The following FYB1 variants were observed in gnomAD, a reference collection of about 807,000 sequenced individuals.
FYB1 encodes the protein FYN binding protein 1.
A neutral mutation model predicts 94.1 loss-of-function variants in FYB1; 41 were observed. That is an observed-to-expected ratio of 0.44 (90% CI 0.34 to 0.57). The LOEUF (loss-of-function observed/expected upper bound fraction) is 0.57. Among genes scored for constraint, FYB1 ranks in the 20% least tolerant of loss-of-function variants. FYB1 has a pLI of 0.02. For missense variants in FYB1, 1,050 were observed against 976.8 expected, an observed-to-expected ratio of 1.07 and a Z score of -1.00; for synonymous variants, 367 against 353.2, an observed-to-expected ratio of 1.04 and a Z score of -0.44.
At chr5:39,174,503 A>C (rs191418229) in intron 2 of FYB1, among the ~76,000 whole-genome samples, 2 of 152,350 alleles carry the variant, frequency 1.3e-5, no homozygotes, top group East Asian at 3.9e-4. Context: ...AACACATGGA[A>C]TAAGAATATC....
rs538508812 is a variant in FYB1, at chr5:39,148,381, GTTTTTTTTT to G, written c.1292+5058_1292+5066del. On this transcript the variant is annotated intron_variant, in intron 3 of 18. Transcript: ENST00000512982. ...GCATTTAGCTTTTAATTATCAGCAGGTTTTTTTTTTTTTTTTTTTTTTTTTTTTTTTTTT... is the reference window on the plus strand; with the variant it reads ...GCATTTAGCTTTTAATTATCAGCAGGTTTTTTTTTTTTTTTTTTTTTTTTT... Among the ~76,000 whole-genome samples the G allele has an allele frequency of 9.5e-3, 362 of 38,158 alleles. 13 individuals are homozygous for G. Among genetic ancestry groups the G allele is most frequent in the Admixed American group, 0.063 (179 of 2,846 alleles). The allele number at this position is 38,158 out of a possible 152,430, so 25.0% of individuals were successfully genotyped here.
intron 16 of FYB1, among the ~76,000 whole-genome samples, chr5:39,115,555 A>G (rs554925855): frequency 6.6e-6 from 1 of 152,148 alleles, no homozygotes. Context: ...TTTGGGTAAC[A>G]TTGTGGGGAA....
intron 2 of FYB1, among the ~76,000 whole-genome samples, chr5:39,186,631 T>C (rs892602719): frequency 8.8e-5 from 12 of 136,190 alleles, no homozygotes; most frequent in South Asian, 2.4e-4. Flanking sequence ...CCTGCAACAA[T>C]TGGATGCTTT....
At chr5:39,192,027 A>G (rs1747409666) in intron 2 of FYB1, among the ~76,000 whole-genome samples, 1 of 152,238 alleles carries the variant, frequency 6.6e-6, no homozygotes, top group African/African-American at 2.4e-5. Flanking sequence ...GAAGCCTTTA[A>G]TGGCAAAAGC....
intron 10 of FYB1, among the ~76,000 whole-genome samples, chr5:39,128,741 C>T (rs1203764671): frequency 6.6e-6 from 1 of 152,074 alleles, no homozygotes; most frequent in African/African-American, 2.4e-5. Flanking sequence ...AGTGTTCTTT[C>T]CATCGTATTA....
chr5:39,204,934 CT>C (rs1317261416), intron 1 of FYB1, among the ~76,000 whole-genome samples: 2 of 152,158 alleles, frequency 1.3e-5, no homozygotes, highest in Non-Finnish European at 2.9e-5. Context: ...TCTACCACCC[CT>C]GACTTCCTCA....
At chr5:39,141,238 T>G (rs1015583386) in intron 3 of FYB1, 97 bp from the exon 4 acceptor site, 1 of 853,988 alleles carries the variant, frequency 1.2e-6, no homozygotes, top group African/African-American at 1.7e-5. Flanking sequence ...TTGTTCTTTT[T>G]TCTTGAACCT....
rs56887056 is a variant in FYB1 at position 39,124,915 on chromosome 5, C to CCACACACACACA, written c.2046-649_2046-638dup. On this transcript the variant is annotated intron_variant, in intron 12 of 18. Transcript: ENST00000512982. ...CTGAAATATGACTTCTAAATACACTCCACACACACACACACACACACACAC... is the reference window on the plus strand; with the variant it reads ...CTGAAATATGACTTCTAAATACACTCCACACACACACACACACACACACACACACACACACAC... Among the ~76,000 whole-genome samples the CCACACACACACA allele has an allele frequency of 8.2e-3, 1,141 of 139,534 alleles. 21 individuals are homozygous for CCACACACACACA. The highest frequency in any genetic ancestry group is 0.026 in the African/African-American group (966 of 37,182). The allele number at this position is 139,534 out of a possible 152,430, so 91.5% of individuals were successfully genotyped here.
chr5:39,195,756 T>C (rs1747775208), intron 2 of FYB1, among the ~76,000 whole-genome samples: 3 of 152,168 alleles, frequency 2.0e-5, no homozygotes, highest in South Asian at 4.1e-4. Context: ...TGCAAACCAA[T>C]AGTCAGGCCA....
At chr5:39,108,946 A>T (rs1021585596) in intron 17 of FYB1, among the ~76,000 whole-genome samples, 1 of 152,102 alleles carries the variant, frequency 6.6e-6, no homozygotes, top group African/African-American at 2.4e-5. Flanking sequence ...GTACCAGGAG[A>T]CAAAAATTTG....
intron 3 of FYB1, among the ~76,000 whole-genome samples, chr5:39,143,601 A>G (rs1381714401): frequency 6.6e-6 from 1 of 152,144 alleles, no homozygotes; most frequent in East Asian, 1.9e-4. Context: ...TCCCATAGTC[A>G]AACTCCTTAA....
chr5:39,226,131 GA>G (rs1750462050), intron 1 of FYB1, among the ~76,000 whole-genome samples: 1 of 152,162 alleles, frequency 6.6e-6, no homozygotes, highest in Non-Finnish European at 1.5e-5. Flanking sequence ...GCGAGCTGAG[GA>G]TTGGCTTTAG....
At chr5:39,224,227 C>T (rs1035797460), upstream of FYB1, among the ~76,000 whole-genome samples, 4 of 152,170 alleles carry the variant, frequency 2.6e-5, no homozygotes, top group African/African-American at 4.8e-5. Context: ...AGATAAAAGC[C>T]TCCAGTGACT....
intron 14 of FYB1, among the ~76,000 whole-genome samples, chr5:39,120,223 A>G (rs1444807958): frequency 2.2e-5 from 3 of 138,782 alleles, no homozygotes; most frequent in South Asian, 2.2e-4. Context: ...CCCTTTATCA[A>G]TTGTGTGTGT....
chr5:39,257,822 T>G lies in FYB1; in HGVS notation c.-28+16581A>C, dbSNP rs567829692. On this transcript the variant is annotated intron_variant, in intron 1 of 1. Coordinates refer to the FYB1 transcript ENST00000510188. The stretch of plus-strand genomic sequence containing the variant: ...TTTGGAGACTAAAAAAAAAAAAAAG[T>G]ACCTGAGCCACCAGGCCAGCCAAAT... Among the ~76,000 whole-genome samples, 598 of 148,762 alleles carry G rather than the reference T, an allele frequency of 4.0e-3. 6 individuals are homozygous for G. The highest frequency in any genetic ancestry group is 0.014 in the African/African-American group (575 of 40,514).
chr5:39,172,712 T>G (rs549702067), intron 2 of FYB1, among the ~76,000 whole-genome samples: 7 of 152,096 alleles, frequency 4.6e-5, no homozygotes, highest in Non-Finnish European at 1.0e-4. Context: ...TGGTTTTCTG[T>G]TCATGTGTTA....
At chr5:39,129,929 A>AT (rs149124865) in intron 10 of FYB1, among the ~76,000 whole-genome samples, 1 of 152,286 alleles carries the variant, frequency 6.6e-6, no homozygotes, top group East Asian at 1.9e-4. Context: ...AGGAAAGAGA[A>AT]TCAGTATATC....
chr5:39,264,386 C>T (rs567917016), intron 1 of FYB1, among the ~76,000 whole-genome samples: 7 of 152,246 alleles, frequency 4.6e-5, no homozygotes, highest in African/African-American at 7.2e-5. Context: ...CTTTGTAGCC[C>T]GCAAAACTGT....
At chr5:39,207,275 C>T (rs1218017376) in intron 1 of FYB1, among the ~76,000 whole-genome samples, 1 of 152,166 alleles carries the variant, frequency 6.6e-6, no homozygotes, top group East Asian at 1.9e-4. Context: ...CCAGATTACT[C>T]ACAAACATTG....
Sources: gnomAD v4.1 joint callset for allele counts (sites outside exome capture counted in the v4.1 genomes callset) on GRCh38, gnomAD v4.1.1 for gene constraint, MANE v1.5 for transcripts, NCBI Gene and HGNC (gene_info 2026-07-23, HGNC 2026-07-21) for gene names.